GLDC: variants seen among roughly 807,000 people sequenced by gnomAD.
GLDC encodes the protein glycine decarboxylase.
A neutral mutation model predicts 121.3 loss-of-function variants in GLDC; 104 were observed. The observed-to-expected ratio is 0.86, with a 90% confidence interval of 0.73 to 1.01. The LOEUF (loss-of-function observed/expected upper bound fraction) is 1.01, where lower values mean the gene tolerates loss of function less well. Among genes scored for constraint, GLDC ranks in the 50% least tolerant of loss-of-function variants. GLDC has a pLI of 0.00. For missense variants in GLDC, 1,429 were observed against 1,306.6 expected, an observed-to-expected ratio of 1.09 and a Z score of -1.44; for synonymous variants, 546 against 480.6, an observed-to-expected ratio of 1.14 and a Z score of -1.78.
At chr9:6,583,049 G>A (rs755929754) in intron 15 of GLDC, among the ~76,000 whole-genome samples, 4 of 152,098 alleles carry the variant, frequency 2.6e-5, no homozygotes, top group Non-Finnish European at 5.9e-5. Flanking sequence ...TATTACTTGA[G>A]GAAACAGAAA....
chr9:6,589,718 A>T (rs116680754), intron 11 of GLDC, among the ~76,000 whole-genome samples: 2,541 of 152,208 alleles, frequency 0.017, 65 homozygotes, highest in African/African-American at 0.058. Flanking sequence ...TGGGCCACTG[A>T]GCCTGGCCAA....
chr9:6,603,295 T>C (rs979990525), intron 7 of GLDC, among the ~76,000 whole-genome samples: 1 of 151,480 alleles, frequency 6.6e-6, no homozygotes, highest in African/African-American at 2.4e-5. Flanking sequence ...AACCATTGCA[T>C]AACATTAGGT....
At chr9:6,631,258 C>CA (rs766534776) in intron 2 of GLDC, among the ~76,000 whole-genome samples, 2 of 152,228 alleles carry the variant, frequency 1.3e-5, no homozygotes, top group Non-Finnish European at 2.9e-5. Context: ...AGGACACCTC[C>CA]ACTCAAAAGG....
chr9:6,591,012 T>C (rs1818365066), intron 11 of GLDC, among the ~76,000 whole-genome samples: 1 of 152,370 alleles, frequency 6.6e-6, no homozygotes, highest in South Asian at 2.1e-4. Flanking sequence ...AAATATTTAC[T>C]TAGTGATTAA....
chr9:6,566,134 T>C (rs1471972849), intron 15 of GLDC, among the ~76,000 whole-genome samples: 2 of 152,112 alleles, frequency 1.3e-5, no homozygotes, highest in East Asian at 1.9e-4. Context: ...TACCAGCTAC[T>C]GGGCAGGCTG....
At chr9:6,622,232 A>G (rs901180947) in intron 2 of GLDC, among the ~76,000 whole-genome samples, 1 of 151,278 alleles carries the variant, frequency 6.6e-6, no homozygotes, top group African/African-American at 2.4e-5. Context: ...AATTCACAAG[A>G]GATATGGTCC....
At chr9:6,542,877 C>T (rs1308608246) in intron 21 of GLDC, among the ~76,000 whole-genome samples, 2 of 106,106 alleles carry the variant, frequency 1.9e-5, no homozygotes, top group Admixed American at 2.5e-4. Flanking sequence ...CGGAGTGAGA[C>T]CTTTTCTCAA....
chr9:6,562,796 G>A (rs141474413), intron 16 of GLDC, among the ~76,000 whole-genome samples: 2 of 151,834 alleles, frequency 1.3e-5, no homozygotes. Context: ...CCTGACCTTA[G>A]GTGATCTGCC....
chr9:6,554,067 A>C (rs1563834703), intron 19 of GLDC, among the ~76,000 whole-genome samples: 1 of 152,162 alleles, frequency 6.6e-6, no homozygotes, highest in African/African-American at 2.4e-5. Flanking sequence ...TCTTTAGCAT[A>C]TTTTTGGGAG....
chr9:6,563,697 G>T (rs1274660567), intron 16 of GLDC, among the ~76,000 whole-genome samples: 1 of 152,206 alleles, frequency 6.6e-6, no homozygotes, highest in Admixed American at 6.5e-5. Flanking sequence ...TCAGAACCAC[G>T]AATGAACAAA....
intron 15 of GLDC, 96 bp downstream of exon 15, chr9:6,587,045 T>C: frequency 3.0e-6 from 3 of 999,582 alleles, no homozygotes; most frequent in Non-Finnish European, 4.8e-6. Context: ...AGTCACAGAA[T>C]AACACAAAAA....
chr9:6,617,172 A>G (rs760096877), intron 3 of GLDC, among the ~76,000 whole-genome samples: 7 of 152,168 alleles, frequency 4.6e-5, no homozygotes, highest in Non-Finnish European at 4.4e-5. Context: ...TCTACCACCC[A>G]CATGTGCACA....
rs551279250 is a variant in GLDC, at chr9:6,585,858, A to G, written c.1850+1283T>C. 1.8e-4 allele frequency among the ~76,000 whole-genome samples: 20 copies of G among 113,774 alleles called. No individual in the cohort carries two copies. The South Asian group carries it at 5.1e-3, about 29-fold the overall frequency. The allele number at this position is 113,774 out of a possible 152,430, so 74.6% of individuals were successfully genotyped here. A position where few individuals can be genotyped will look rare whatever the true frequency, so the allele number is the denominator to read the frequency against. ...TATGTATGTATGTATGTATGTATGT[A>G]TGTATGTATGTATCTATCTATCTAT... On this transcript the variant is annotated intron_variant, in intron 15 of 24. Transcript: ENST00000321612.
chr9:6,580,060 C>G (rs1818144901), intron 15 of GLDC, among the ~76,000 whole-genome samples: 2 of 152,162 alleles, frequency 1.3e-5, no homozygotes, highest in Admixed American at 1.3e-4. Context: ...GAAGACCTGG[C>G]CCCACTCTTC....
intron 21 of GLDC, among the ~76,000 whole-genome samples, chr9:6,549,842 G>A (rs144093506): frequency 3.3e-5 from 5 of 152,202 alleles, no homozygotes; most frequent in East Asian, 3.9e-4. Context: ...CCTTGCCGCC[G>A]TCTTAATGAT....
chr9:6,535,485 T>G (rs1342773927), intron 23 of GLDC, among the ~76,000 whole-genome samples: 1 of 151,948 alleles, frequency 6.6e-6, no homozygotes, highest in Non-Finnish European at 1.5e-5. Context: ...CATATCAGAC[T>G]TGTTCTCTGG....
chr9:6,558,968 T>C (rs1380609860), intron 16 of GLDC, among the ~76,000 whole-genome samples: 1 of 152,208 alleles, frequency 6.6e-6, no homozygotes, highest in Non-Finnish European at 1.5e-5. Flanking sequence ...GGCCTGGACT[T>C]ATTCTAACCT....
intron 24 of GLDC, among the ~76,000 whole-genome samples, 166 bp downstream of exon 24, chr9:6,534,542 G>A (rs1173675941): frequency 2.0e-5 from 3 of 152,092 alleles, no homozygotes; most frequent in African/African-American, 7.2e-5. Flanking sequence ...GTGTGACCTC[G>A]CCTCTGAAAG....
At chr9:6,537,600 GC>G (rs1817157972) in intron 22 of GLDC, among the ~76,000 whole-genome samples, 1 of 152,178 alleles carries the variant, frequency 6.6e-6, no homozygotes, top group African/African-American at 2.4e-5. Context: ...GGGCAACATG[GC>G]AAAACCCCGT....
Sources: gnomAD v4.1 joint callset for allele counts (sites outside exome capture counted in the v4.1 genomes callset) on GRCh38, gnomAD v4.1.1 for gene constraint, MANE v1.5 for transcripts, NCBI Gene and HGNC (gene_info 2026-07-23, HGNC 2026-07-21) for gene names.